Variants in CALN1 observed in about 807,000 individuals in gnomAD.
The protein encoded by CALN1 is calcium-binding protein 8.
A neutral mutation model predicts 30.6 loss-of-function variants in CALN1; 17 were observed. That is an observed-to-expected ratio of 0.56 (90% CI 0.38 to 0.83). CALN1 has a LOEUF of 0.83. CALN1 is among the 40% of genes least tolerant of loss of function. The probability of loss-of-function intolerance (pLI) is 0.00; values close to 1 mark genes in which losing one functional copy is unlikely to be tolerated. For missense variants in CALN1, 291 were observed against 354.9 expected (o/e 0.82, Z 1.45); for synonymous variants, 156 against 131.4 (o/e 1.19, Z -1.28).
chr7:72,342,381 G>A (rs1802425303), intron 2 of CALN1, among the ~76,000 whole-genome samples: 1 of 152,136 alleles, frequency 6.6e-6, no homozygotes, highest in Non-Finnish European at 1.5e-5. Context: ...GTGGTTGCAG[G>A]TTTACAGGCC....
rs370635285 is a variant in CALN1 at position 72,011,229 on chromosome 7, A to AAAC, written c.501+12427_501+12428insGTT. On this transcript the variant is annotated intron_variant, in intron 5 of 6. Transcript: ENST00000395275. ...CCATGGCAATATAGGAAAAAACAAAAAAAAACAAAAACAAAAAACCAGACA... is the reference window on the plus strand; with the variant it reads ...CCATGGCAATATAGGAAAAAACAAAAAACAAAAACAAAAACAAAAAACCAGACA... Among the ~76,000 whole-genome samples, 243 of 152,234 alleles carry AAAC rather than the reference A, an allele frequency of 1.6e-3. 2 individuals are homozygous for AAAC. The highest frequency in any genetic ancestry group is 5.6e-3 in the African/African-American group (231 of 41,526).
intron 4 of CALN1, among the ~76,000 whole-genome samples, chr7:72,100,202 G>A (rs571582622): frequency 6.6e-5 from 10 of 151,076 alleles, no homozygotes; most frequent in Admixed American, 4.6e-4. Flanking sequence ...TCTGTTACCC[G>A]GGCTGGAGTG....
intron 3 of CALN1, among the ~76,000 whole-genome samples, chr7:72,110,008 G>A (rs368260065): frequency 3.3e-5 from 5 of 152,368 alleles, no homozygotes; most frequent in South Asian, 2.1e-4. Context: ...TGGATAGCCA[G>A]TTGTAAGCTA....
intron 3 of CALN1, among the ~76,000 whole-genome samples, chr7:72,226,139 G>C (rs949902965): frequency 1.3e-5 from 2 of 149,200 alleles, no homozygotes; most frequent in African/African-American, 4.9e-5. Context: ...TGCACGCTAA[G>C]AAGGCTGAGG....
rs113996102 is a variant in CALN1 at position 72,174,541 on chromosome 7, G to A, written c.245-68247C>T. The stretch of plus-strand genomic sequence containing the variant: ...TCAACAGGTGGATGGATAAATTGTG[G>A]AATATCCACACCATAGAATATCACC... On this transcript the variant is annotated intron_variant, in intron 3 of 6. Transcript: ENST00000395275. Among the ~76,000 whole-genome samples, 868 of 152,026 alleles carry A rather than the reference G, an allele frequency of 5.7e-3. 9 individuals carry two copies. The highest frequency in any genetic ancestry group is 0.018 in the African/African-American group (764 of 41,440).
intron 2 of CALN1, among the ~76,000 whole-genome samples, chr7:72,297,333 A>T (rs1162442617): frequency 6.6e-6 from 1 of 152,204 alleles, no homozygotes; most frequent in African/African-American, 2.4e-5. Flanking sequence ...GGAAATAATG[A>T]AAGTGAATTA....
chr7:72,264,363 T>A (rs1455412758), intron 3 of CALN1, among the ~76,000 whole-genome samples: 4 of 152,164 alleles, frequency 2.6e-5, no homozygotes, highest in Non-Finnish European at 2.9e-5. Flanking sequence ...CAGAACTGCA[T>A]ATAAAAGCCA....
intron 5 of CALN1, among the ~76,000 whole-genome samples, chr7:71,963,623 CT>C (rs776857861): frequency 6.6e-6 from 1 of 152,126 alleles, no homozygotes; most frequent in Non-Finnish European, 1.5e-5. Flanking sequence ...TTTTTCTCTT[CT>C]TTTTTTCTTA....
intron 5 of CALN1, chr7:71,913,956 A>G (rs1794560124): frequency 6.6e-6 from 1 of 152,244 alleles, no homozygotes; most frequent in Admixed American, 6.5e-5. Context: ...TGGATGACAG[A>G]AATGATTGAC....
At chr7:72,182,769 T>TAAC (rs1789908558) in intron 3 of CALN1, among the ~76,000 whole-genome samples, 1 of 143,158 alleles carries the variant, frequency 7.0e-6, no homozygotes, top group African/African-American at 2.6e-5. Context: ...ACCAATGTTG[T>TAAC]AAAAAAAAAA....
chr7:72,332,814 C>A (rs1249461868), intron 2 of CALN1, among the ~76,000 whole-genome samples: 1 of 152,168 alleles, frequency 6.6e-6, no homozygotes, highest in East Asian at 1.9e-4. Flanking sequence ...TTCATCCCAT[C>A]TTCTCCATCC....
At chr7:72,345,135 G>C (rs1308497112) in intron 2 of CALN1, among the ~76,000 whole-genome samples, 3 of 149,458 alleles carry the variant, frequency 2.0e-5, no homozygotes, top group Admixed American at 1.3e-4. Context: ...ATATGTATTA[G>C]ATACTATTAT....
chr7:71,970,437 T>C (rs776672747), intron 5 of CALN1, among the ~76,000 whole-genome samples: 2 of 152,184 alleles, frequency 1.3e-5, no homozygotes, highest in Non-Finnish European at 2.9e-5. Flanking sequence ...TATTAAGTTA[T>C]ATCACAATCC....
chr7:71,914,518 A>G (rs1201953054), intron 5 of CALN1, among the ~76,000 whole-genome samples: 3 of 152,090 alleles, frequency 2.0e-5, no homozygotes, highest in Admixed American at 2.0e-4. Flanking sequence ...ATATTCGTGC[A>G]TGTGTCTTTA....
chr7:71,907,368 GAA>G (rs1794196965), intron 5 of CALN1, among the ~76,000 whole-genome samples: 8 of 152,068 alleles, frequency 5.3e-5, no homozygotes, highest in African/African-American at 1.9e-4. Context: ...CTGCAAACCA[GAA>G]GGACAAATTG....
At chr7:72,019,624 C>T (rs977709560) in intron 5 of CALN1, among the ~76,000 whole-genome samples, 1 of 152,258 alleles carries the variant, frequency 6.6e-6, no homozygotes, top group South Asian at 2.1e-4. Context: ...TCCCGTCAAC[C>T]ACCAGCGTCA....
the CALN1 span, among the ~76,000 whole-genome samples, chr7:72,474,517 C>T: frequency 1.3e-5 from 2 of 152,032 alleles, no homozygotes; most frequent in Non-Finnish European, 2.9e-5. Context: ...CAAGCCCTGT[C>T]TCTACACGAA....
At chr7:72,304,595 G>C (rs563267545) in intron 2 of CALN1, among the ~76,000 whole-genome samples, 1 of 152,088 alleles carries the variant, frequency 6.6e-6, no homozygotes. Context: ...GACATGGGGG[G>C]GGTATAGCTG....
chr7:72,419,219 G>C (rs1807528996), intron 1 of CALN1, among the ~76,000 whole-genome samples: 2 of 152,128 alleles, frequency 1.3e-5, no homozygotes, highest in Non-Finnish European at 2.9e-5. Context: ...AAAATTCCGT[G>C]TTGCACATGA....
Sources: gnomAD v4.1 joint callset for allele counts (sites outside exome capture counted in the v4.1 genomes callset) on GRCh38, gnomAD v4.1.1 for gene constraint, MANE v1.5 for transcripts, NCBI Gene and HGNC (gene_info 2026-07-23, HGNC 2026-07-21) for gene names.